ACSL3: variants seen among roughly 807,000 people sequenced by gnomAD.
The protein encoded by ACSL3 is acyl-CoA synthetase long chain family member 3.
ACSL3 carries 34 observed loss-of-function variants against 84.7 expected under a neutral mutation model. The ratio of observed to expected loss-of-function variants is 0.40; its 90% CI spans 0.31 to 0.53. ACSL3 has a LOEUF of 0.53. Among genes scored for constraint, ACSL3 ranks in the 20% least tolerant of loss-of-function variants. The pLI, the probability that ACSL3 is intolerant of heterozygous loss-of-function variation, is 0.48. For missense variants in ACSL3, 680 were observed against 873.1 expected, an observed-to-expected ratio of 0.78 and a Z score of 2.79; for synonymous variants, 315 against 299.4, an observed-to-expected ratio of 1.05 and a Z score of -0.54.
chr2:222,927,716 G>T (rs1464247335), intron 12 of ACSL3, among the ~76,000 whole-genome samples: 1 of 152,144 alleles, frequency 6.6e-6, no homozygotes, highest in South Asian at 2.1e-4. Flanking sequence ...GAGATGAATC[G>T]CATAGGGCCT....
chr2:222,909,052 T>A lies in ACSL3; in HGVS notation c.280T>A (p.Tyr94Asn). ...TGATACTTTAGATAAAGTTTTTACATATGCAAAAAACAAATTTAAGAACAA... is the reference window on the plus strand; with the variant it reads ...TGATACTTTAGATAAAGTTTTTACAAATGCAAAAAACAAATTTAAGAACAA... Reference protein sequence around the residue: ...GCDTLDKVFTYAKNKFKNKRL... With the variant: ...GCDTLDKVFTNAKNKFKNKRL... Residue 94 changes from tyrosine to asparagine, a missense_variant, in exon 4 of 17, where the codon TAT becomes AAT. Coordinates refer to ENST00000357430, the MANE Select transcript of ACSL3 (RefSeq NM_004457.5). The A allele has an allele frequency of 6.2e-7, 1 of 1,612,528 alleles. No individual in the cohort carries two copies. Among genetic ancestry groups the A allele is most frequent in the Non-Finnish European group, 8.5e-7 (1 of 1,179,496 alleles).
intron 8 of ACSL3, among the ~76,000 whole-genome samples, chr2:222,921,656 A>C (rs1259228953): frequency 1.3e-5 from 2 of 152,220 alleles, no homozygotes; most frequent in Non-Finnish European, 2.9e-5. Flanking sequence ...TACAGAACTT[A>C]AATTTGTATA....
At chr2:222,912,946 T>C (rs957821106) in intron 4 of ACSL3, among the ~76,000 whole-genome samples, 1 of 152,182 alleles carries the variant, frequency 6.6e-6, no homozygotes, top group African/African-American at 2.4e-5. Flanking sequence ...AGTAAATGCA[T>C]TGCACTAACG....
chr2:222,916,575 A>G (rs1445751086), intron 5 of ACSL3, 79 bp downstream of exon 5: 1 of 1,402,738 alleles, frequency 7.1e-7, no homozygotes, highest in Non-Finnish European at 9.5e-7. Flanking sequence ...AGAGGTTAAA[A>G]TTCTGATGTT....
chr2:222,895,137 A>G (rs1323839490), intron 2 of ACSL3, among the ~76,000 whole-genome samples: 2 of 151,982 alleles, frequency 1.3e-5, no homozygotes, highest in Admixed American at 6.6e-5. Flanking sequence ...TTCCTTTTCC[A>G]TGACCATTCA....
intron 4 of ACSL3, among the ~76,000 whole-genome samples, chr2:222,911,080 A>C: frequency 1.5e-5 from 2 of 137,112 alleles, no homozygotes; most frequent in African/African-American, 2.7e-5. Flanking sequence ...ATGGAGTTTC[A>C]CTCTTGTTGC....
chr2:222,927,087 C>CT lies in ACSL3; in HGVS notation c.1366dup (p.Ser456PhefsTer24), dbSNP rs1696901361. ...TCTCCTGTTGTGTGGTGGCGCTCCA[C>CT]TTTCTGCAACCACGCAGCGATTCAT... On this transcript the variant is annotated frameshift_variant, in exon 12 of 17. Transcript: ENST00000357430. LOFTEE classifies it high-confidence loss of function. 1 of 1,614,056 alleles carries CT rather than the reference C, an allele frequency of 6.2e-7. No homozygotes were observed. Among genetic ancestry groups the CT allele is most frequent in the African/African-American group, 1.3e-5 (1 of 74,922 alleles).
intron 4 of ACSL3, among the ~76,000 whole-genome samples, chr2:222,913,302 A>G (rs912657244): frequency 9.9e-5 from 15 of 151,816 alleles, no homozygotes; most frequent in African/African-American, 3.6e-4. Flanking sequence ...TCTTAGTCAC[A>G]TTTTTTTACC....
At chr2:222,925,918 G>A (rs954663774) in intron 11 of ACSL3, among the ~76,000 whole-genome samples, 1 of 152,174 alleles carries the variant, frequency 6.6e-6, no homozygotes, top group Non-Finnish European at 1.5e-5. Context: ...GAAAATGGAA[G>A]TATGACATTC....
At chr2:222,893,703 CTCT>C (rs1695896264) in intron 2 of ACSL3, among the ~76,000 whole-genome samples, 1 of 151,872 alleles carries the variant, frequency 6.6e-6, no homozygotes, top group African/African-American at 2.4e-5. Context: ...CTTCTCTCTT[CTCT>C]TCTTTTCTCT....
chr2:222,937,629 A>T (rs1697209252), intron 16 of ACSL3, among the ~76,000 whole-genome samples: 1 of 151,934 alleles, frequency 6.6e-6, no homozygotes, highest in South Asian at 2.1e-4. Flanking sequence ...CATCCCCTTT[A>T]GGTTCTTATT....
chr2:222,914,234 C>CGTGTGTGTGTGTGTGTGT lies in ACSL3; in HGVS notation c.379-2058_379-2041dup, dbSNP rs57546680. 4.9e-4 allele frequency among the ~76,000 whole-genome samples: 69 copies of CGTGTGTGTGTGTGTGTGT among 140,268 alleles called. 1 individual carries two copies. Among genetic ancestry groups the CGTGTGTGTGTGTGTGTGT allele is most frequent in the African/African-American group, 1.8e-3 (67 of 37,056 alleles). The allele number at this position is 140,268 out of a possible 152,430, so 92.0% of individuals were successfully genotyped here. On this transcript the variant is annotated intron_variant, in intron 4 of 16. Transcript: ENST00000357430. The stretch of plus-strand genomic sequence containing the variant: ...AGGAAGGGTGGAAGGTGTGTGTGTA[C>CGTGTGTGTGTGTGTGTGT]GTGTGTGTGTGTGTGTGTGTGTGTG...
At chr2:222,865,637 T>C (rs982024371) in intron 1 of ACSL3, among the ~76,000 whole-genome samples, 2 of 151,904 alleles carry the variant, frequency 1.3e-5, no homozygotes, top group East Asian at 3.9e-4. Flanking sequence ...TGCTAGGAAA[T>C]AGAGAAAAAG....
chr2:222,924,894 C>T (rs934736734), intron 11 of ACSL3, among the ~76,000 whole-genome samples: 4 of 152,096 alleles, frequency 2.6e-5, no homozygotes, highest in South Asian at 2.1e-4. Flanking sequence ...GGCTTGGTGG[C>T]GGGCGCCTGT....
intron 4 of ACSL3, among the ~76,000 whole-genome samples, chr2:222,913,144 G>A (rs1031187076): frequency 6.6e-6 from 1 of 152,132 alleles, no homozygotes; most frequent in Non-Finnish European, 1.5e-5. Flanking sequence ...AAGAGAATGA[G>A]GGATTATGTA....
intron 1 of ACSL3, among the ~76,000 whole-genome samples, chr2:222,869,018 T>TA (rs1466934890): frequency 1.3e-5 from 2 of 151,776 alleles, no homozygotes; most frequent in African/African-American, 4.8e-5. Context: ...TTTTTTGAAA[T>TA]ACGTATAAAG....
chr2:222,862,057 G>C (rs1380047415), intron 1 of ACSL3, among the ~76,000 whole-genome samples: 1 of 152,196 alleles, frequency 6.6e-6, no homozygotes, highest in African/African-American at 2.4e-5. Context: ...AAATGAAAAG[G>C]CTGGAGGAAT....
chr2:222,868,673 A>G (rs1468271534), intron 1 of ACSL3, among the ~76,000 whole-genome samples: 1 of 152,214 alleles, frequency 6.6e-6, no homozygotes, highest in Non-Finnish European at 1.5e-5. Flanking sequence ...TTGGTTGGGC[A>G]TGGTGGCTTA....
rs759794918 is a variant in ACSL3, at chr2:222,930,650, C to G, written c.1570C>G (p.Pro524Ala). ...ATACTTTAATACTGATAAGCCACAC[C>G]CCAGGGGTGAAATTCTTATTGGGGG... ...GGYFNTDKPH[P>A]RGEILIGGQS... Residue 524 changes from proline (P) to alanine (A), a missense_variant, in exon 14 of 17, where the codon CCC (proline) becomes GCC (alanine). Physicochemically the swap from Pro to Ala is conservative, Grantham distance 27. Around this residue, in one of 2 missense-constraint regions of ACSL3, gnomAD observed 347 missense variants for 525.7 expected, o/e 0.66. Transcript: ENST00000357430. The G allele has an allele frequency of 2.5e-6, 4 of 1,613,626 alleles. No homozygotes were observed. The highest frequency in any genetic ancestry group is 3.3e-5 in the Admixed American group (2 of 59,946).
Sources: gnomAD v4.1 joint callset for allele counts (sites outside exome capture counted in the v4.1 genomes callset) on GRCh38, gnomAD v4.1.1 for gene constraint, gnomAD v4.1.1 regional missense constraint, MANE v1.5 for transcripts, NCBI Gene and HGNC (gene_info 2026-07-23, HGNC 2026-07-21) for gene names.